The following FAM234B variants were observed in gnomAD, a reference collection of about 807,000 sequenced individuals.
FAM234B encodes the protein family with sequence similarity 234 member B.
In FAM234B, 33 loss-of-function variants were observed where a neutral mutation model predicts 69.3. The ratio of observed to expected loss-of-function variants is 0.48; its 90% CI spans 0.36 to 0.64. FAM234B has a LOEUF of 0.64. Ranked by LOEUF, FAM234B falls within the 30% of genes least tolerant of loss-of-function variation. The pLI is 0.00. For missense variants in FAM234B, 697 were observed against 769.7 expected, an observed-to-expected ratio of 0.91 and a Z score of 1.12; for synonymous variants, 306 against 306.9, an observed-to-expected ratio of 1.00 and a Z score of 0.03.
At chr12:13,072,082 C>G (rs1263302538) in intron 10 of FAM234B, among the ~76,000 whole-genome samples, 3 of 152,112 alleles carry the variant, frequency 2.0e-5, no homozygotes, top group African/African-American at 4.8e-5. Flanking sequence ...GCGCTGTGAT[C>G]TCTGTAGGGA....
intron 11 of FAM234B, among the ~76,000 whole-genome samples, chr12:13,077,251 TTTTA>T (rs1008885724): frequency 3.9e-5 from 6 of 152,096 alleles, no homozygotes; most frequent in African/African-American, 9.7e-5. Context: ...TTGTATTTTA[TTTTA>T]TTTATTCATT....
intron 4 of FAM234B, chr12:13,062,390 G>A (rs1477064382): frequency 1.9e-5 from 3 of 155,892 alleles, no homozygotes; most frequent in African/African-American, 7.2e-5. Flanking sequence ...AAAAAACTGG[G>A]ATTTGAGTTA....
At chr12:13,080,277 CAG>C (rs990118621) in intron 12 of FAM234B, among the ~76,000 whole-genome samples, 1 of 152,088 alleles carries the variant, frequency 6.6e-6, no homozygotes, top group Non-Finnish European at 1.5e-5. Context: ...CAATGACTGA[CAG>C]GGGTGGCTAC....
At chr12:13,063,391 T>C (rs937327369) in intron 5 of FAM234B, among the ~76,000 whole-genome samples, 3 of 152,260 alleles carry the variant, frequency 2.0e-5, no homozygotes, top group African/African-American at 4.8e-5. Flanking sequence ...TAATTTTTGC[T>C]GTGTATATGT....
At chr12:13,059,062 A>G (rs1185312900) in intron 3 of FAM234B, among the ~76,000 whole-genome samples, 1 of 152,184 alleles carries the variant, frequency 6.6e-6, no homozygotes, top group East Asian at 1.9e-4. Context: ...GGGGAAGCTG[A>G]GCTGTATGGA....
chr12:13,067,348 T>C lies in FAM234B; in HGVS notation c.1142+52T>C, dbSNP rs1432504520. The C allele has an allele frequency of 6.3e-7, 1 of 1,592,720 alleles. No individual in the cohort carries two copies. The highest frequency in any genetic ancestry group is 8.6e-7 in the Non-Finnish European group (1 of 1,162,062). On this transcript the variant is annotated intron_variant, in intron 7 of 12. Transcript: ENST00000197268. This position sits in a 1 kb window ranked among gnomAD's most constrained non-coding sequence, Gnocchi z 4.7. ...CAGTGAGATCTCTTGTGAACTCACA[T>C]GCCTTTGAGTCTCTAAGTTTGGTTG...
rs1865224672 is a variant in FAM234B at position 13,081,406 on chromosome 12, T to C, written c.*776T>C. Reference sequence around the variant, plus strand: ...GTCCACATGTTGTGTTATATGTGGCTCTGATGGTTCTGCCAGTCATGATCT... The same window carrying C: ...GTCCACATGTTGTGTTATATGTGGCCCTGATGGTTCTGCCAGTCATGATCT... On this transcript the variant is annotated 3_prime_UTR_variant, in exon 13 of 13. Coordinates refer to ENST00000197268, the MANE Select transcript of FAM234B (RefSeq NM_020853.2). 6.6e-6 allele frequency: 1 copy of C among 152,316 alleles called. No homozygotes were observed. The highest frequency in any genetic ancestry group is 6.5e-5 in the Admixed American group (1 of 15,290). 9.4% of individuals were successfully genotyped at this position (152,316 alleles called of 1,614,324 possible).
chr12:13,051,367 T>C (rs528671269), intron 1 of FAM234B, among the ~76,000 whole-genome samples: 5 of 152,360 alleles, frequency 3.3e-5, no homozygotes, highest in African/African-American at 1.2e-4. Flanking sequence ...TAGCCTGATA[T>C]GTTTGTTGCA....
At chr12:13,074,655 T>A (rs540407759) in intron 10 of FAM234B, among the ~76,000 whole-genome samples, 16 of 152,318 alleles carry the variant, frequency 1.1e-4, no homozygotes, top group African/African-American at 3.1e-4. Flanking sequence ...CTAAGGAATT[T>A]GTGCTTCATT....
intron 2 of FAM234B, 105 bp from the exon 3 acceptor site, chr12:13,058,346 G>A (rs1591597616): frequency 1.2e-6 from 1 of 850,588 alleles, no homozygotes; most frequent in African/African-American, 1.7e-5. Flanking sequence ...ACTATACCTA[G>A]TCGAGGAACT....
intron 10 of FAM234B, among the ~76,000 whole-genome samples, chr12:13,074,300 A>G (rs972195809): frequency 2.6e-5 from 4 of 152,244 alleles, no homozygotes; most frequent in Admixed American, 1.3e-4. Context: ...ATAAATAACT[A>G]CAAAAAGAAA....
At chr12:13,076,420 C>T (rs1205697657) in intron 11 of FAM234B, among the ~76,000 whole-genome samples, 1 of 152,182 alleles carries the variant, frequency 6.6e-6, no homozygotes, top group African/African-American at 2.4e-5. Flanking sequence ...TCCAGCCACT[C>T]CTTCAGCAGA....
At chr12:13,047,411 T>C (rs1467718015) in intron 1 of FAM234B, among the ~76,000 whole-genome samples, 1 of 152,204 alleles carries the variant, frequency 6.6e-6, no homozygotes. Flanking sequence ...ACCCATGATA[T>C]GAATTATTTA....
chr12:13,047,802 C>T (rs982445308), intron 1 of FAM234B, among the ~76,000 whole-genome samples: 1 of 152,134 alleles, frequency 6.6e-6, no homozygotes, highest in Non-Finnish European at 1.5e-5. Context: ...GGATTTGACG[C>T]CTGGCTCCTC....
chr12:13,070,316 T>C (rs796750320), intron 9 of FAM234B, among the ~76,000 whole-genome samples: 16 of 151,984 alleles, frequency 1.1e-4, no homozygotes, highest in African/African-American at 3.9e-4. Context: ...TTGTCTGTTT[T>C]TCTTTCTCTG....
intron 2 of FAM234B, among the ~76,000 whole-genome samples, 168 bp downstream of exon 2, chr12:13,056,114 A>C (rs757571309): frequency 2.6e-5 from 4 of 152,224 alleles, no homozygotes; most frequent in Non-Finnish European, 5.9e-5. Flanking sequence ...GAAAGAAAAC[A>C]AACACCTCCA....
chr12:13,079,692 C>G (rs1026590622), intron 11 of FAM234B, 97 bp from the exon 12 acceptor site: 1 of 757,152 alleles, frequency 1.3e-6, no homozygotes, highest in Non-Finnish European at 2.2e-6. Flanking sequence ...CCTGTATGAA[C>G]TTATGAGTAA....
At chr12:13,045,964 G>A (rs1481657923) in intron 1 of FAM234B, among the ~76,000 whole-genome samples, 1 of 152,076 alleles carries the variant, frequency 6.6e-6, no homozygotes, top group Non-Finnish European at 1.5e-5. Flanking sequence ...CCCCAAGGCT[G>A]TGGTGTTATT....
chr12:13,050,289 G>C (rs1476277148), intron 1 of FAM234B, among the ~76,000 whole-genome samples: 1 of 152,054 alleles, frequency 6.6e-6, no homozygotes. Context: ...TTACTCTCCT[G>C]TCATTGCTTA....
Sources: allele counts gnomAD v4.1 joint callset (sites outside exome capture counted in the v4.1 genomes callset), GRCh38; gene constraint gnomAD v4.1.1; non-coding constraint Gnocchi (gnomAD v3.1); transcripts MANE v1.5; gene names NCBI Gene and HGNC (gene_info 2026-07-23, HGNC 2026-07-21).